CINP: variants seen among roughly 807,000 people sequenced by gnomAD.
CINP encodes cyclin-dependent kinase 2-interacting protein.
Under a neutral mutation model 20.5 loss-of-function variants are expected in CINP, and 11 were observed. The ratio of observed to expected loss-of-function variants is 0.54; its 90% CI spans 0.34 to 0.89. The LOEUF is 0.89. Among genes scored for constraint, CINP ranks in the 40% least tolerant of loss-of-function variants. The probability of loss-of-function intolerance (pLI) is 0.02; values close to 1 mark genes in which losing one functional copy is unlikely to be tolerated. For missense variants in CINP, 213 were observed against 251.0 expected, an observed-to-expected ratio of 0.85 and a Z score of 1.02; for synonymous variants, 108 against 102.1, an observed-to-expected ratio of 1.06 and a Z score of -0.35.
At chr14:102,356,818 G>A (rs1009311342) in intron 2 of CINP, among the ~76,000 whole-genome samples, 1 of 152,142 alleles carries the variant, frequency 6.6e-6, no homozygotes, top group Non-Finnish European at 1.5e-5. Flanking sequence ...ATAACGGCAA[G>A]CTTAATGAAT....
chr14:102,361,583 G>T (rs1325704595), intron 1 of CINP, among the ~76,000 whole-genome samples: 1 of 152,246 alleles, frequency 6.6e-6, no homozygotes, highest in Non-Finnish European at 1.5e-5. Context: ...GGAACTTGCA[G>T]TGAGCCCAGA....
chr14:102,353,616 T>C (rs1026581157), intron 3 of CINP, among the ~76,000 whole-genome samples: 4 of 152,150 alleles, frequency 2.6e-5, no homozygotes, highest in African/African-American at 9.7e-5. Context: ...TCAGTCTAAT[T>C]AGGAGAAAAA....
rs1319842894 is a variant in CINP, at chr14:102,355,774, A to G, written c.300T>C (p.Asp100=). The G allele has an allele frequency of 1.2e-6, 2 of 1,613,836 alleles. No homozygotes were observed. The highest frequency in any genetic ancestry group is 2.7e-5 in the African/African-American group (2 of 74,896). Residue 100 remains aspartate, a synonymous_variant, in exon 3 of 5, where the codon GAT becomes GAC. Transcript: ENST00000216756. ...KLCEELQATL[D]GLTKIQVKME... is the part of the protein sequence containing the mutation. The stretch of plus-strand genomic sequence containing the variant: ...CTGCGTCTTTATGTCTTACCAACCC[A>G]TCCAAGGTGGCCTGCAGTTCCTCAC...
intron 2 of CINP, among the ~76,000 whole-genome samples, chr14:102,357,271 A>G (rs1349076512): frequency 6.6e-6 from 1 of 150,920 alleles, no homozygotes; most frequent in Admixed American, 6.7e-5. Flanking sequence ...AGTCCCAGCT[A>G]CTTGGGAGGC....
rs775084591 is a variant in CINP at position 102,362,876 on chromosome 14, G to C, written c.-25C>G. The C allele has an allele frequency of 1.3e-5, 21 of 1,613,792 alleles. No homozygotes were observed. In the Admixed American group the frequency reaches 3.5e-4, roughly 27 times the overall value. ...TAAGGTCCACAGATATCCGTAGAAG[G>C]AGACGCGAAGCCCCGCCCACCCCAC... On this transcript the variant is annotated 5_prime_UTR_variant, in exon 1 of 5. Coordinates refer to ENST00000216756, the MANE Select transcript of CINP (RefSeq NM_032630.3).
rs1233039336 is a variant in CINP at position 102,348,431 on chromosome 14, G to C, written c.*126C>G. ...GGAGAGGCCATGGGGCTGGTGACAA[G>C]CTCTGGCCAGAAGACCCCAAGGTCT... On this transcript the variant is annotated 3_prime_UTR_variant, in exon 5 of 5. Transcript: ENST00000216756. The C allele has an allele frequency of 1.2e-6, 1 of 829,292 alleles. No individual in the cohort carries two copies. The highest frequency in any genetic ancestry group is 1.8e-6 in the Non-Finnish European group (1 of 557,422). 51.4% of individuals were successfully genotyped at this position (829,292 alleles called of 1,614,324 possible).
chr14:102,362,781 C>T, intron 1 of CINP, 64 bp downstream of exon 1: 2 of 1,607,636 alleles, frequency 1.2e-6, no homozygotes, highest in Non-Finnish European at 1.7e-6. Context: ...TCTGGTCCAA[C>T]CTGCGGCCTA....
chr14:102,349,873 A>C, intron 4 of CINP, 46 bp downstream of exon 4: 2 of 1,609,098 alleles, frequency 1.2e-6, no homozygotes, highest in Non-Finnish European at 1.7e-6. Flanking sequence ...AAATGCCCTT[A>C]ATAACCTTTA....
chr14:102,359,227 A>AATATATATATATATAT (rs10632205), intron 2 of CINP, among the ~76,000 whole-genome samples, 192 bp downstream of exon 2: 4,621 of 114,550 alleles, frequency 0.04, 185 homozygotes, highest in Middle Eastern at 0.052. Context: ...TAAATAACTA[A>AATATATATATATATAT]ATATATATAT....
intron 2 of CINP, among the ~76,000 whole-genome samples, chr14:102,359,073 C>T (rs1887064865): frequency 6.6e-6 from 1 of 151,396 alleles, no homozygotes; most frequent in African/African-American, 2.4e-5. Flanking sequence ...TGGTGACGGG[C>T]GCCTGTAATC....
chr14:102,350,137 G>C, intron 3 of CINP, 89 bp from the exon 4 acceptor site: 1 of 1,235,712 alleles, frequency 8.1e-7, no homozygotes, highest in Non-Finnish European at 1.1e-6. Context: ...GCTAAGAAGT[G>C]TAAGTCTATT....
intron 2 of CINP, among the ~76,000 whole-genome samples, chr14:102,356,232 C>A (rs537978824): frequency 3.9e-5 from 6 of 152,084 alleles, no homozygotes; most frequent in Admixed American, 2.0e-4. Context: ...CTGGGCAACA[C>A]AGTGAGACCT....
rs1467754093 is a variant in CINP at position 102,348,481 on chromosome 14, G to A, written c.*76C>T. On this transcript the variant is annotated 3_prime_UTR_variant, in exon 5 of 5. Coordinates refer to ENST00000216756, the MANE Select transcript of CINP (RefSeq NM_032630.3). ...TGATCCTGGGGTCTGATCCAGGCCT[G>A]CGGCACTGGGTCCTAGGCAGACTGT... 3.7e-6 allele frequency: 5 copies of A among 1,352,910 alleles called. No homozygotes were observed. The African/African-American group carries it at 4.3e-5, about 12-fold the overall frequency. The allele number at this position is 1,352,910 out of a possible 1,614,324, so 83.8% of individuals were successfully genotyped here. A position where few individuals can be genotyped will look rare whatever the true frequency, so the allele number is the denominator to read the frequency against.
chr14:102,356,196 C>T (rs1886994758), intron 2 of CINP, among the ~76,000 whole-genome samples: 1 of 152,142 alleles, frequency 6.6e-6, no homozygotes, highest in East Asian at 1.9e-4. Flanking sequence ...GGGAGGACTG[C>T]TTGAGTCCAG....
At chr14:102,350,301 T>A (rs1886838422) in intron 3 of CINP, among the ~76,000 whole-genome samples, 1 of 151,954 alleles carries the variant, frequency 6.6e-6, no homozygotes, top group African/African-American at 2.4e-5. Flanking sequence ...GGTTTCCGAG[T>A]GCCATTTCAC....
At chr14:102,354,238 T>C (rs1302577905) in intron 3 of CINP, among the ~76,000 whole-genome samples, 1 of 152,204 alleles carries the variant, frequency 6.6e-6, no homozygotes, top group Non-Finnish European at 1.5e-5. Flanking sequence ...GTATTGAAAT[T>C]TAGTTATTAG....
intron 1 of CINP, among the ~76,000 whole-genome samples, chr14:102,361,002 G>A (rs989944475): frequency 2.6e-5 from 4 of 152,158 alleles, no homozygotes; most frequent in African/African-American, 7.2e-5. Flanking sequence ...GACCAGGACC[G>A]TTTTCATGGA....
At chr14:102,352,654 C>CTTTTTCTT (rs916103595) in intron 3 of CINP, 2 of 422,018 alleles carry the variant, frequency 4.7e-6, no homozygotes, top group African/African-American at 4.2e-5. Context: ...AACCACTTTT[C>CTTTTTCTT]TTTTTCTTTT....
chr14:102,353,580 T>C (rs1886923002), intron 3 of CINP, among the ~76,000 whole-genome samples: 1 of 152,146 alleles, frequency 6.6e-6, no homozygotes, highest in Admixed American at 6.6e-5. Flanking sequence ...ACTTCTGTGG[T>C]CCTCCTCTGA....
Sources: allele counts gnomAD v4.1 joint callset (sites outside exome capture counted in the v4.1 genomes callset), GRCh38; gene constraint gnomAD v4.1.1; transcripts MANE v1.5; gene names NCBI Gene and HGNC (gene_info 2026-07-23, HGNC 2026-07-21).